LRRC53: variants seen among roughly 807,000 people sequenced by gnomAD.
The protein encoded by LRRC53 is leucine rich repeat containing 53.
Under a neutral mutation model 13.6 loss-of-function variants are expected in LRRC53, and 25 were observed. The ratio of observed to expected loss-of-function variants is 1.83; its 90% CI spans 1.34 to 2.56. The LOEUF is 2.56. LRRC53 is among the 30% of genes most tolerant of loss of function. The pLI is 0.00. For missense variants in LRRC53, 527 were observed against 275.8 expected (o/e 1.91, Z -6.45); for synonymous variants, 204 against 109.8 (o/e 1.86, Z -5.37).
chr1:74,525,387 A>T, the LRRC53 span, among the ~76,000 whole-genome samples: 2 of 152,070 alleles, frequency 1.3e-5, no homozygotes, highest in Non-Finnish European at 2.9e-5. Context: ...GAAGGTAAAA[A>T]ATTTTGCTTA....
rs962399798 is a variant in LRRC53 at position 74,492,225 on chromosome 1, A to G, written c.-26-8850T>C. ...CATTAAGAAGTCGTTTCGAATTGGA[A>G]TATGCTCTAAATGCAAGGTCCTATG... is the stretch of plus-strand genomic sequence containing the variant. On this transcript the variant is annotated intron_variant, in intron 1 of 4. Coordinates refer to ENST00000294635, the MANE Select transcript of LRRC53 (RefSeq NM_001382280.1). 3.7e-6 allele frequency: 6 copies of G among 1,612,432 alleles called. No homozygotes were observed. In the African/African-American group the frequency reaches 8.0e-5, roughly 22 times the overall value.
the LRRC53 span, among the ~76,000 whole-genome samples, chr1:74,522,655 A>T: frequency 6.2e-4 from 93 of 150,200 alleles, no homozygotes; most frequent in African/African-American, 1.9e-3. Context: ...TGTGTGTGAG[A>T]GAGAGAGAGA....
intron 3 of LRRC53, among the ~76,000 whole-genome samples, chr1:74,478,884 A>G (rs987808356): frequency 6.6e-6 from 1 of 152,224 alleles, no homozygotes; most frequent in Non-Finnish European, 1.5e-5. Flanking sequence ...CTTAGCACAT[A>G]CAATTACTGA....
chr1:74,502,335 C>T (rs1265651347), intron 1 of LRRC53, among the ~76,000 whole-genome samples: 1 of 152,144 alleles, frequency 6.6e-6, no homozygotes, highest in African/African-American at 2.4e-5. Flanking sequence ...ATAATGACTT[C>T]CCACAAACAT....
At chr1:74,495,942 G>A (rs528628121) in intron 1 of LRRC53, among the ~76,000 whole-genome samples, 99 of 152,266 alleles carry the variant, frequency 6.5e-4, no homozygotes, top group South Asian at 4.6e-3. Context: ...TAAAGTCAGA[G>A]AGCCCAAGGA....
intron 1 of LRRC53, among the ~76,000 whole-genome samples, chr1:74,494,705 T>C (rs2100315935): frequency 6.6e-6 from 1 of 152,350 alleles, no homozygotes. Flanking sequence ...TGAAGTTAAA[T>C]CTTGGCTTTG....
At chr1:74,518,670 C>CA in the LRRC53 span, among the ~76,000 whole-genome samples, 2 of 152,026 alleles carry the variant, frequency 1.3e-5, no homozygotes. Flanking sequence ...ATAGTGTTTT[C>CA]AAAACAATAT....
chr1:74,484,858 A>G (rs75056637), intron 1 of LRRC53, among the ~76,000 whole-genome samples: 2,923 of 152,316 alleles, frequency 0.019, 92 homozygotes, highest in African/African-American at 0.066. Context: ...TTTAAAGATC[A>G]TTTTAACTAC....
chr1:74,490,367 T>C (rs1444034170), intron 1 of LRRC53, among the ~76,000 whole-genome samples: 2 of 152,206 alleles, frequency 1.3e-5, no homozygotes, highest in Non-Finnish European at 2.9e-5. Flanking sequence ...AAGACTTGAA[T>C]TTAAAATATC....
intron 1 of LRRC53, chr1:74,492,360 A>T: frequency 7.6e-7 from 1 of 1,323,258 alleles, no homozygotes. Context: ...ACAGGGTTTG[A>T]TTACCCCCTG....
intron 1 of LRRC53, among the ~76,000 whole-genome samples, chr1:74,506,723 C>G (rs1006399927): frequency 6.6e-6 from 1 of 152,156 alleles, no homozygotes; most frequent in African/African-American, 2.4e-5. Context: ...TATACAGTAA[C>G]CAATCTCTGG....
At chr1:74,489,495 T>G (rs1668940081) in intron 1 of LRRC53, among the ~76,000 whole-genome samples, 1 of 152,192 alleles carries the variant, frequency 6.6e-6, no homozygotes, top group South Asian at 2.1e-4. Flanking sequence ...GACACAGTCA[T>G]GCTCAGCTTA....
At chr1:74,494,181 C>T (rs547241183) in intron 1 of LRRC53, among the ~76,000 whole-genome samples, 1 of 152,256 alleles carries the variant, frequency 6.6e-6, no homozygotes, top group Non-Finnish European at 1.5e-5. Context: ...ACACTCACAC[C>T]CACACCTGCA....
intron 2 of LRRC53, among the ~76,000 whole-genome samples, chr1:74,481,931 A>C (rs1180040536): frequency 1.3e-5 from 2 of 152,168 alleles, no homozygotes; most frequent in African/African-American, 4.8e-5. Context: ...TTCAGACTGC[A>C]TCGCGGAAAC....
upstream of LRRC53, among the ~76,000 whole-genome samples, chr1:74,513,875 G>A (rs1430355043): frequency 1.3e-5 from 2 of 152,184 alleles, no homozygotes; most frequent in Non-Finnish European, 2.9e-5. Flanking sequence ...ATTTCAAGAA[G>A]CCACAACCGC....
rs750271140 is a variant in LRRC53, at chr1:74,480,156, C to T, written c.901G>A (p.Ala301Thr). Reference protein sequence around the residue: ...DVALLTVLGFAGAVGLTCLGL... With the variant: ...DVALLTVLGFTGAVGLTCLGL... ...GGCACACTTCTCCCCGGCATACCTG[C>T]GAAGCCAAGGACAGTCAGCAGGGCC... The change falls in exon 3 of 5, where the codon GCA (alanine) becomes ACA (threonine). Residue 301 changes from alanine (A) to threonine (T), a missense_variant. Transcript: ENST00000294635. The T allele has an allele frequency of 7.0e-6, 5 of 714,264 alleles. No homozygotes were observed. Among genetic ancestry groups the T allele is most frequent in the African/African-American group, 3.5e-5 (2 of 57,166 alleles). 44.2% of individuals were successfully genotyped at this position (714,264 alleles called of 1,614,324 possible).
At chr1:74,476,333 C>A (rs1440521766) in intron 3 of LRRC53, among the ~76,000 whole-genome samples, 3 of 152,140 alleles carry the variant, frequency 2.0e-5, no homozygotes, top group Non-Finnish European at 2.9e-5. Context: ...TCCTCAACCA[C>A]CTAAATGTTC....
chr1:74,491,202 G>C (rs190277838), intron 1 of LRRC53, among the ~76,000 whole-genome samples: 1 of 152,100 alleles, frequency 6.6e-6, no homozygotes, highest in Non-Finnish European at 1.5e-5. Flanking sequence ...GATAATTAGG[G>C]TGAGTCCAAC....
intron 1 of LRRC53, among the ~76,000 whole-genome samples, chr1:74,487,035 C>T (rs983251740): frequency 1.3e-5 from 2 of 152,068 alleles, no homozygotes; most frequent in East Asian, 3.9e-4. Context: ...AATTAGAGAC[C>T]GCAAATTTGG....
Sources: gnomAD v4.1 joint callset for allele counts (sites outside exome capture counted in the v4.1 genomes callset) on GRCh38, gnomAD v4.1.1 for gene constraint, MANE v1.5 for transcripts, NCBI Gene and HGNC (gene_info 2026-07-23, HGNC 2026-07-21) for gene names.